GABBR2: variants seen among roughly 807,000 people sequenced by gnomAD.
GABBR2 encodes the protein G-protein coupled receptor 51.
A neutral mutation model predicts 105.6 loss-of-function variants in GABBR2; 23 were observed. The ratio of observed to expected loss-of-function variants is 0.22; its 90% confidence interval spans 0.16 to 0.31. The LOEUF (loss-of-function observed/expected upper bound fraction) is 0.31. Among genes scored for constraint, GABBR2 ranks in the 10% least tolerant of loss-of-function variants. The pLI is 1.00. For synonymous variants in GABBR2, 478 were observed against 499.7 expected, an observed-to-expected ratio of 0.96 and a Z score of 0.58; for missense variants, 734 against 1,245.5, an observed-to-expected ratio of 0.59 and a Z score of 6.18.
intron 1 of GABBR2, among the ~76,000 whole-genome samples, chr9:98,648,824 C>G (rs759629359): frequency 2.4e-4 from 36 of 152,194 alleles, no homozygotes; most frequent in Non-Finnish European, 8.8e-5. Context: ...GGTGTCCAGC[C>G]ACAGACCAGC....
chr9:98,568,614 C>T (rs968612289), intron 2 of GABBR2, among the ~76,000 whole-genome samples: 52 of 152,156 alleles, frequency 3.4e-4, no homozygotes, highest in Non-Finnish European at 8.8e-5. Flanking sequence ...CCAGCCAGCA[C>T]TTTGTCCACC....
At chr9:98,373,863 T>C (rs555805651) in intron 11 of GABBR2, among the ~76,000 whole-genome samples, 3 of 142,514 alleles carry the variant, frequency 2.1e-5, no homozygotes, top group East Asian at 4.0e-4. Flanking sequence ...TTTTTTTTTT[T>C]TTTTTTTTTT....
At chr9:98,341,079 C>T (rs942906018) in intron 13 of GABBR2, among the ~76,000 whole-genome samples, 1 of 152,192 alleles carries the variant, frequency 6.6e-6, no homozygotes, top group African/African-American at 2.4e-5. Context: ...TGATTTGTGT[C>T]CTAATGGGCC....
intron 3 of GABBR2, chr9:98,538,661 G>A (rs760813843): frequency 2.5e-5 from 23 of 904,572 alleles, no homozygotes; most frequent in Non-Finnish European, 3.0e-5. Context: ...CTCCGTGGGA[G>A]TAAAGCCCCT....
chr9:98,588,747 C>A (rs1453826648), intron 1 of GABBR2, among the ~76,000 whole-genome samples: 1 of 152,106 alleles, frequency 6.6e-6, no homozygotes, highest in Non-Finnish European at 1.5e-5. Context: ...GCCCCTCCCC[C>A]CGACAATTAG....
chr9:98,557,295 G>A (rs934442519), intron 2 of GABBR2, among the ~76,000 whole-genome samples: 2 of 152,112 alleles, frequency 1.3e-5, no homozygotes, highest in Admixed American at 6.5e-5. Flanking sequence ...AGTCTACGCA[G>A]GGGGTGTCTC....
chr9:98,588,704 C>A (rs1463463208), intron 1 of GABBR2, among the ~76,000 whole-genome samples: 1 of 152,244 alleles, frequency 6.6e-6, no homozygotes, highest in African/African-American at 2.4e-5. Context: ...ATGTTCTGTT[C>A]TTTTCGGGCA....
Position 98,362,711 on chromosome 9 carries a change from T to G in GABBR2, c.1893+4A>C. ...CTTCCCTCCTGCCGGCATGGAGGGC[T>G]TACCTCCATGCTGTACTTCTCCACT... On this transcript the variant is annotated splice_donor_region_variant and intron_variant, in intron 13 of 18. Transcript: ENST00000259455. The G allele has an allele frequency of 6.4e-7, 1 of 1,554,174 alleles. No homozygotes were observed. The highest frequency in any genetic ancestry group is 8.7e-7 in the Non-Finnish European group (1 of 1,153,532).
At chr9:98,542,727 C>T (rs1828328424) in intron 2 of GABBR2, among the ~76,000 whole-genome samples, 1 of 152,276 alleles carries the variant, frequency 6.6e-6, no homozygotes, top group East Asian at 1.9e-4. Flanking sequence ...GCCAGTCTCA[C>T]CACATCTTTG....
At chr9:98,344,745 C>A (rs1009098666) in intron 13 of GABBR2, among the ~76,000 whole-genome samples, 9 of 152,114 alleles carry the variant, frequency 5.9e-5, no homozygotes, top group African/African-American at 2.2e-4. Flanking sequence ...TCCCGGGGCT[C>A]CTATGGGGAC....
intron 2 of GABBR2, among the ~76,000 whole-genome samples, chr9:98,559,313 A>G (rs1460923503): frequency 6.6e-6 from 1 of 152,162 alleles, no homozygotes; most frequent in Non-Finnish European, 1.5e-5. Flanking sequence ...TATTTTTAGT[A>G]GAGATGGGGT....
chr9:98,381,515 A>C (rs1831975699), intron 11 of GABBR2, among the ~76,000 whole-genome samples: 2 of 152,214 alleles, frequency 1.3e-5, no homozygotes, highest in Non-Finnish European at 2.9e-5. Flanking sequence ...TTAGGCCCTA[A>C]ATTCAAGAGC....
intron 2 of GABBR2, among the ~76,000 whole-genome samples, chr9:98,553,404 G>A (rs1209430970): frequency 2.0e-5 from 3 of 151,794 alleles, no homozygotes; most frequent in Non-Finnish European, 4.4e-5. Context: ...GACCAGCCTG[G>A]GCAACATGGC....
At chr9:98,372,747 T>C (rs1163924204) in intron 11 of GABBR2, among the ~76,000 whole-genome samples, 1 of 152,244 alleles carries the variant, frequency 6.6e-6, no homozygotes, top group Non-Finnish European at 1.5e-5. Flanking sequence ...GCTCCTGCCT[T>C]TCCGGCAACT....
chr9:98,410,495 G>T lies in GABBR2; in HGVS notation c.1237-4354C>A, dbSNP rs116095257. The stretch of plus-strand genomic sequence containing the variant: ...TTAGAAAGAACGCATAAGCATGCAT[G>T]AGGGAAAAGCTTTTTTTTTTTTTTT... On this transcript the variant is annotated intron_variant, in intron 7 of 18. Transcript: ENST00000259455. Among the ~76,000 whole-genome samples the T allele has an allele frequency of 2.9e-3, 421 of 147,346 alleles. 1 individual carries two copies. The highest frequency in any genetic ancestry group is 9.9e-3 in the African/African-American group (401 of 40,452).
intron 12 of GABBR2, among the ~76,000 whole-genome samples, chr9:98,370,292 T>C (rs1252828275): frequency 6.6e-6 from 1 of 151,952 alleles, no homozygotes; most frequent in Non-Finnish European, 1.5e-5. Flanking sequence ...AAATAGCCAA[T>C]TGGGGGAGCA....
intron 13 of GABBR2, among the ~76,000 whole-genome samples, chr9:98,343,106 T>G (rs1054128983): frequency 3.3e-5 from 5 of 152,172 alleles, no homozygotes; most frequent in African/African-American, 1.2e-4. Flanking sequence ...AAATCCCCTG[T>G]GTGCTTCCAC....
At chr9:98,664,766 G>C (rs1368017185) in intron 1 of GABBR2, among the ~76,000 whole-genome samples, 1 of 152,108 alleles carries the variant, frequency 6.6e-6, no homozygotes, top group African/African-American at 2.4e-5. Context: ...CAAAGATTCA[G>C]GTGCCTACCA....
At chr9:98,462,216 AT>A (rs1826436271) in intron 6 of GABBR2, among the ~76,000 whole-genome samples, 1 of 152,212 alleles carries the variant, frequency 6.6e-6, no homozygotes, top group African/African-American at 2.4e-5. Flanking sequence ...TCATATGTTC[AT>A]TTCTTATTTT....
Sources: gnomAD v4.1 joint callset for allele counts (sites outside exome capture counted in the v4.1 genomes callset) on GRCh38, gnomAD v4.1.1 for gene constraint, MANE v1.5 for transcripts, NCBI Gene and HGNC (gene_info 2026-07-23, HGNC 2026-07-21) for gene names.